The following TLE4 variants were observed in gnomAD, a reference collection of about 807,000 sequenced individuals.
TLE4 encodes the protein transducin-like enhancer protein 4.
In TLE4, 8 loss-of-function variants were observed where a neutral mutation model predicts 92.8. The observed-to-expected ratio is 0.09, with a 90% CI of 0.05 to 0.16. The LOEUF (loss-of-function observed/expected upper bound fraction) is 0.16, where lower values mean the gene tolerates loss of function less well. TLE4 is among the 10% of genes least tolerant of loss of function. The probability of loss-of-function intolerance (pLI) is 1.00; values close to 1 mark genes in which losing one functional copy is unlikely to be tolerated. For synonymous variants in TLE4, 371 were observed against 374.1 expected (o/e 0.99, Z 0.10); for missense variants, 675 against 997.6 (o/e 0.68, Z 4.36).
intron 8 of TLE4, among the ~76,000 whole-genome samples, chr9:79,702,038 A>C (rs1312083357): frequency 6.6e-6 from 1 of 152,228 alleles, no homozygotes; most frequent in Non-Finnish European, 1.5e-5. Flanking sequence ...CTGATTCTTA[A>C]GGATAGTGGG....
At chr9:79,657,883 T>A (rs886897667) in intron 8 of TLE4, among the ~76,000 whole-genome samples, 1 of 152,202 alleles carries the variant, frequency 6.6e-6, no homozygotes, top group Non-Finnish European at 1.5e-5. Context: ...TGTGCATTCT[T>A]TATTACTTTG....
chr9:79,593,012 T>C (rs2043081146), intron 4 of TLE4, among the ~76,000 whole-genome samples: 1 of 152,252 alleles, frequency 6.6e-6, no homozygotes, highest in South Asian at 2.1e-4. Flanking sequence ...TTTTCTTCTT[T>C]TTTTCTCCCT....
intron 14 of TLE4, among the ~76,000 whole-genome samples, chr9:79,713,202 G>T (rs149665357): frequency 1.3e-5 from 2 of 152,304 alleles, no homozygotes; most frequent in Non-Finnish European, 2.9e-5. Context: ...AACAGAACTG[G>T]GCCTCAGAGA....
chr9:79,591,906 G>A (rs997265390), intron 4 of TLE4, among the ~76,000 whole-genome samples: 10 of 152,106 alleles, frequency 6.6e-5, no homozygotes, highest in Non-Finnish European at 1.3e-4. Context: ...GAATGAATGA[G>A]TTTGTTGCTT....
chr9:79,671,631 AG>A (rs909902544), intron 8 of TLE4: 1 of 205,254 alleles, frequency 4.9e-6, no homozygotes, highest in Non-Finnish European at 1.1e-5. Flanking sequence ...GTTTGGGGAA[AG>A]AACACACATC....
chr9:79,651,934 C>T (rs968553191), intron 6 of TLE4, among the ~76,000 whole-genome samples: 7 of 152,112 alleles, frequency 4.6e-5, no homozygotes, highest in Non-Finnish European at 8.8e-5. Flanking sequence ...TGTATGATAG[C>T]GAGGCCTTAT....
At chr9:79,700,567 A>G (rs2069526649) in intron 8 of TLE4, among the ~76,000 whole-genome samples, 1 of 152,184 alleles carries the variant, frequency 6.6e-6, no homozygotes, top group Admixed American at 6.5e-5. Flanking sequence ...GAACCTGATT[A>G]TAGCTTTTTA....
At chr9:79,623,953 C>CCCA in intron 5 of TLE4, among the ~76,000 whole-genome samples, 1 of 151,906 alleles carries the variant, frequency 6.6e-6, no homozygotes, top group East Asian at 1.9e-4. Context: ...ATTGGCTGGA[C>CCCA]CCACCACTCT....
At chr9:79,603,166 G>T (rs1347023460) in intron 4 of TLE4, among the ~76,000 whole-genome samples, 3 of 152,148 alleles carry the variant, frequency 2.0e-5, no homozygotes, top group Non-Finnish European at 4.4e-5. Context: ...TGACCACAAA[G>T]AATTTGAATA....
intron 6 of TLE4, among the ~76,000 whole-genome samples, chr9:79,640,718 TATC>T (rs2056959872): frequency 6.6e-6 from 1 of 152,122 alleles, no homozygotes; most frequent in Non-Finnish European, 1.5e-5. Flanking sequence ...TAACTGAAGT[TATC>T]ATTCATTATT....
chr9:79,595,774 C>T (rs1379681228), intron 4 of TLE4, among the ~76,000 whole-genome samples: 1 of 151,410 alleles, frequency 6.6e-6, no homozygotes, highest in African/African-American at 2.4e-5. Context: ...TTGGTTAATG[C>T]AAAACTTGTT....
chr9:79,664,488 C>T (rs2061059815), intron 8 of TLE4, among the ~76,000 whole-genome samples: 3 of 152,274 alleles, frequency 2.0e-5, no homozygotes, highest in Middle Eastern at 3.4e-3. Flanking sequence ...AATGAGACTC[C>T]TGAATTGGAT....
intron 14 of TLE4, among the ~76,000 whole-genome samples, chr9:79,716,914 A>C (rs1372354027): frequency 6.6e-6 from 1 of 152,198 alleles, no homozygotes; most frequent in Non-Finnish European, 1.5e-5. Flanking sequence ...ACACTGGCAT[A>C]CTCAAGAAAT....
At chr9:79,666,223 T>G (rs79502480) in intron 8 of TLE4, among the ~76,000 whole-genome samples, 18 of 115,920 alleles carry the variant, frequency 1.6e-4, no homozygotes, top group African/African-American at 3.4e-4. Context: ...TTTTGTTTTT[T>G]TTTTTTTTTT....
chr9:79,635,866 T>C (rs2055650654), intron 6 of TLE4, among the ~76,000 whole-genome samples: 2 of 152,166 alleles, frequency 1.3e-5, no homozygotes, highest in Admixed American at 1.3e-4. Context: ...CAGGTCTTTA[T>C]CATCAGTATA....
chr9:79,646,014 A>G (rs2058050551), intron 6 of TLE4, among the ~76,000 whole-genome samples: 1 of 151,944 alleles, frequency 6.6e-6, no homozygotes, highest in African/African-American at 2.4e-5. Flanking sequence ...TTAATACTCT[A>G]GTCTATGCCC....
At chr9:79,684,989 C>T (rs1226808522) in intron 8 of TLE4, among the ~76,000 whole-genome samples, 2 of 152,162 alleles carry the variant, frequency 1.3e-5, no homozygotes, top group South Asian at 2.1e-4. Flanking sequence ...CTGGCACATG[C>T]GTCATGGTTG....
intron 4 of TLE4, among the ~76,000 whole-genome samples, chr9:79,611,770 G>A (rs118119317): frequency 0.024 from 3,574 of 151,780 alleles, 44 homozygotes; most frequent in Non-Finnish European, 0.034. Flanking sequence ...TACAAATTAA[G>A]ATAAACATTG....
chr9:79,603,005 T>G (rs2046004276), intron 4 of TLE4, among the ~76,000 whole-genome samples: 1 of 152,120 alleles, frequency 6.6e-6, no homozygotes, highest in Non-Finnish European at 1.5e-5. Context: ...AGGATGTTCT[T>G]TGGGGGTGGA....
Sources: allele counts gnomAD v4.1 joint callset (sites outside exome capture counted in the v4.1 genomes callset), GRCh38; gene constraint gnomAD v4.1.1; transcripts MANE v1.5; gene names NCBI Gene and HGNC (gene_info 2026-07-23, HGNC 2026-07-21).